COL24A1: variants seen among roughly 807,000 people sequenced by gnomAD.
COL24A1 encodes collagen alpha-1(XXIV) chain.
A neutral mutation model predicts 253.9 loss-of-function variants in COL24A1; 224 were observed. The observed-to-expected ratio is 0.88, with a 90% CI of 0.79 to 0.99. COL24A1 has a LOEUF of 0.99. COL24A1 is among the 50% of genes least tolerant of loss of function. COL24A1 has a pLI of 0.00. For synonymous variants in COL24A1, 685 were observed against 673.7 expected (o/e 1.02, Z -0.26); for missense variants, 2,131 against 2,068.5 (o/e 1.03, Z -0.59).
intron 57 of COL24A1, among the ~76,000 whole-genome samples, chr1:85,742,863 T>G (rs1049881137): frequency 2.0e-5 from 3 of 152,130 alleles, no homozygotes; most frequent in Non-Finnish European, 2.9e-5. Flanking sequence ...CCTTAAGAAG[T>G]AGGATATAAA....
At chr1:86,047,858 T>G (rs1700020223) in intron 11 of COL24A1, among the ~76,000 whole-genome samples, 1 of 152,132 alleles carries the variant, frequency 6.6e-6, no homozygotes, top group Admixed American at 6.5e-5. Context: ...ACTTTGAGAT[T>G]TGCAGACTAA....
chr1:85,896,460 T>TG, intron 28 of COL24A1, 51 bp from the exon 29 acceptor site: 1 of 1,477,354 alleles, frequency 6.8e-7, no homozygotes, highest in Non-Finnish European at 9.4e-7. Context: ...TCCTTTTTTT[T>TG]TCTTAACAGT....
At chr1:85,946,234 C>A (rs544949168) in intron 24 of COL24A1, among the ~76,000 whole-genome samples, 1 of 152,134 alleles carries the variant, frequency 6.6e-6, no homozygotes, top group Non-Finnish European at 1.5e-5. Flanking sequence ...TAGCTCACTT[C>A]CGAGTTGAGG....
intron 39 of COL24A1, among the ~76,000 whole-genome samples, chr1:85,842,657 G>A (rs991884099): frequency 6.6e-6 from 1 of 151,872 alleles, no homozygotes; most frequent in Non-Finnish European, 1.5e-5. Flanking sequence ...ACTTTCAGTT[G>A]TCAGAATCCT....
At chr1:86,110,527 C>A (rs574632885) in intron 5 of COL24A1, among the ~76,000 whole-genome samples, 12 of 152,076 alleles carry the variant, frequency 7.9e-5, no homozygotes, top group African/African-American at 2.9e-4. Context: ...CAGGAGGGAG[C>A]CAGCTCCCTC....
intron 39 of COL24A1, 143 bp downstream of exon 39, chr1:85,847,522 T>C: frequency 1.7e-6 from 1 of 572,250 alleles, no homozygotes; most frequent in South Asian, 2.8e-5. Context: ...CTTACAATTC[T>C]CCACATCCCA....
chr1:85,838,436 A>T, intron 43 of COL24A1, 149 bp downstream of exon 43: 3 of 668,346 alleles, frequency 4.5e-6, no homozygotes, highest in Non-Finnish European at 7.7e-6. Context: ...TGATTCTAGG[A>T]AGGAGGAACA....
At chr1:86,066,299 C>T (rs1701478428) in intron 7 of COL24A1, among the ~76,000 whole-genome samples, 1 of 139,096 alleles carries the variant, frequency 7.2e-6, no homozygotes. Context: ...AGTGCAGTGG[C>T]ACGATCTCGG....
chr1:86,058,022 A>T (rs1183406364), intron 9 of COL24A1, 47 bp from the exon 10 acceptor site: 6 of 1,496,984 alleles, frequency 4.0e-6, no homozygotes, highest in Non-Finnish European at 4.6e-6. Context: ...TACTTTTTAA[A>T]GAGTTAATAA....
chr1:85,860,411 T>C (rs982776824), intron 37 of COL24A1, among the ~76,000 whole-genome samples: 3 of 152,180 alleles, frequency 2.0e-5, no homozygotes, highest in Non-Finnish European at 4.4e-5. Context: ...ACTTTCTGTA[T>C]GTATAGATTT....
chr1:85,787,287 G>C (rs187240760), intron 47 of COL24A1, among the ~76,000 whole-genome samples: 3 of 151,450 alleles, frequency 2.0e-5, no homozygotes, highest in African/African-American at 7.3e-5. Context: ...ATGGTGATTT[G>C]CTCCAGCTAT....
intron 37 of COL24A1, among the ~76,000 whole-genome samples, chr1:85,860,002 G>T (rs1229170215): frequency 6.6e-6 from 1 of 152,094 alleles, no homozygotes; most frequent in Admixed American, 6.6e-5. Flanking sequence ...TCTATGTCAT[G>T]TTGATTGAGA....
intron 20 of COL24A1, among the ~76,000 whole-genome samples, chr1:85,976,240 T>C (rs1175738574): frequency 6.6e-6 from 1 of 152,118 alleles, no homozygotes; most frequent in Non-Finnish European, 1.5e-5. Context: ...GGGAAGCTTA[T>C]AGCCTGGGGC....
At chr1:86,017,284 C>A in intron 18 of COL24A1, 80 bp from the exon 19 acceptor site, 1 of 1,183,264 alleles carries the variant, frequency 8.5e-7, no homozygotes, top group Non-Finnish European at 1.2e-6. Flanking sequence ...ATATGGTAAA[C>A]AAATAGCAGT....
chr1:86,056,188 A>T (rs1034264751), intron 10 of COL24A1, among the ~76,000 whole-genome samples: 6 of 152,130 alleles, frequency 3.9e-5, no homozygotes, highest in African/African-American at 1.4e-4. Context: ...TGGCTTCCCA[A>T]ATCCAAGTCA....
intron 7 of COL24A1, among the ~76,000 whole-genome samples, chr1:86,073,404 G>A (rs1255951169): frequency 2.0e-5 from 3 of 152,040 alleles, no homozygotes; most frequent in African/African-American, 4.8e-5. Context: ...GAAATAAAGC[G>A]TGAAGACAAG....
intron 24 of COL24A1, among the ~76,000 whole-genome samples, chr1:85,958,524 T>C (rs1445617090): frequency 6.6e-6 from 1 of 152,138 alleles, no homozygotes; most frequent in Non-Finnish European, 1.5e-5. Context: ...TAATAAATGA[T>C]TGAAAAAAGA....
intron 53 of COL24A1, among the ~76,000 whole-genome samples, chr1:85,775,169 C>T (rs928421255): frequency 6.6e-6 from 1 of 151,924 alleles, no homozygotes; most frequent in Non-Finnish European, 1.5e-5. Flanking sequence ...GTTTCCATGT[C>T]GTTGTGCAGT....
chr1:85,880,863 T>C (rs1681759511), intron 32 of COL24A1, among the ~76,000 whole-genome samples: 1 of 152,194 alleles, frequency 6.6e-6, no homozygotes, highest in African/African-American at 2.4e-5. Flanking sequence ...CTTGTATACC[T>C]GGAAAAAATT....
Sources: allele counts gnomAD v4.1 joint callset (sites outside exome capture counted in the v4.1 genomes callset), GRCh38; gene constraint gnomAD v4.1.1; transcripts MANE v1.5; gene names NCBI Gene and HGNC (gene_info 2026-07-23, HGNC 2026-07-21).